The following CCDC60 variants were observed in gnomAD, a reference collection of about 807,000 sequenced individuals.
CCDC60 encodes coiled-coil domain-containing protein 60.
CCDC60 carries 54 observed loss-of-function variants against 63.5 expected under a neutral mutation model. The observed-to-expected ratio is 0.85, with a 90% CI of 0.68 to 1.07. The LOEUF is 1.07. CCDC60 is among the 50% of genes least tolerant of loss of function. The probability of loss-of-function intolerance (pLI) is 0.00; values close to 1 mark genes in which losing one functional copy is unlikely to be tolerated. For missense variants in CCDC60, 651 were observed against 684.3 expected (o/e 0.95, Z 0.54); for synonymous variants, 206 against 238.8 (o/e 0.86, Z 1.27).
At chr12:119,483,683 G>A (rs1951376245) in intron 4 of CCDC60, among the ~76,000 whole-genome samples, 1 of 152,204 alleles carries the variant, frequency 6.6e-6, no homozygotes, top group Non-Finnish European at 1.5e-5. Context: ...CTAGGATTCT[G>A]GTTGGTACAG....
In CCDC60 at chr12:119,407,757, CATAAAATG is replaced by C. The variant is rs1565992367; in HGVS notation, c.91-20925_91-20918del. ...CCTTGGTAGTGGCTTTTTTTTAACCCATAAAATGGGCACTCCAGAAGGTGTATTTCTTA... is the reference window on the plus strand; with the variant it reads ...CCTTGGTAGTGGCTTTTTTTTAACCCGGCACTCCAGAAGGTGTATTTCTTA... On this transcript the variant is annotated intron_variant, in intron 1 of 13. Transcript: ENST00000327554. Among the ~76,000 whole-genome samples, 4 of 151,992 alleles carry C rather than the reference CATAAAATG, an allele frequency of 2.6e-5. No individual in the cohort carries two copies. In the South Asian group the frequency reaches 8.3e-4, roughly 32 times the overall value.
intron 1 of CCDC60, among the ~76,000 whole-genome samples, chr12:119,411,901 C>G (rs371442753): frequency 1.1e-4 from 16 of 152,188 alleles, no homozygotes; most frequent in African/African-American, 3.9e-4. Flanking sequence ...CCAGCCCCCA[C>G]ACGGTTTGAT....
At chr12:119,424,958 A>T (rs1054677269) in intron 1 of CCDC60, among the ~76,000 whole-genome samples, 1 of 151,828 alleles carries the variant, frequency 6.6e-6, no homozygotes, top group African/African-American at 2.4e-5. Context: ...ATACAAATCC[A>T]CTCTTACACA....
Position 119,516,706 on chromosome 12 carries a change from A to G in CCDC60, c.967A>G (p.Ser323Gly). Residue 323 changes from serine to glycine, a missense_variant and splice_region_variant, in exon 8 of 14, where the codon AGC becomes GGC. Ser to Gly is a moderately conservative substitution (Grantham distance 56). Transcript: ENST00000327554. ...AAATGGGATGCAAAGAAAAGCACCC[A>G]GGTATGTGCTCTTGACTCCTGGGGC... ...IENGMQRKAP[S>G]ILSVLKQNKS... The G allele has an allele frequency of 6.2e-7, 1 of 1,608,822 alleles. No homozygotes were observed. Among genetic ancestry groups the G allele is most frequent in the Non-Finnish European group, 8.5e-7 (1 of 1,175,340 alleles).
chr12:119,452,559 G>C (rs948650739), intron 2 of CCDC60, among the ~76,000 whole-genome samples: 5 of 152,178 alleles, frequency 3.3e-5, no homozygotes, highest in African/African-American at 1.2e-4. Flanking sequence ...CAACACTACT[G>C]AGGGTTGCCT....
chr12:119,383,039 C>T (rs1460637914), intron 1 of CCDC60, among the ~76,000 whole-genome samples: 1 of 152,132 alleles, frequency 6.6e-6, no homozygotes, highest in Admixed American at 6.5e-5. Context: ...GTGGCCACTG[C>T]ACTGGAAATT....
In CCDC60 at chr12:119,523,892, G is replaced by C; in HGVS notation, c.1229+74G>C. On this transcript the variant is annotated intron_variant, in intron 11 of 13. Transcript: ENST00000327554. ...CTACTATATGCCTGCCAGGTGCCAG[G>C]TGCTGGGGCTATATCACAAACAAGA... 5 of 1,490,590 alleles carry C rather than the reference G, an allele frequency of 3.4e-6. No individual in the cohort carries two copies. In the South Asian group the frequency reaches 4.8e-5, roughly 14 times the overall value. 92.3% of individuals were successfully genotyped at this position (1,490,590 alleles called of 1,614,324 possible).
At chr12:119,397,187 GT>G (rs1956272422) in intron 1 of CCDC60, among the ~76,000 whole-genome samples, 1 of 152,182 alleles carries the variant, frequency 6.6e-6, no homozygotes, top group African/African-American at 2.4e-5. Context: ...TCATAAAGGT[GT>G]TGCAAACCCA....
intron 1 of CCDC60, among the ~76,000 whole-genome samples, chr12:119,389,859 G>A (rs888675576): frequency 1.3e-5 from 2 of 152,058 alleles, no homozygotes; most frequent in Admixed American, 6.6e-5. Flanking sequence ...ATTACCATTA[G>A]TGGCTGATGA....
intron 1 of CCDC60, among the ~76,000 whole-genome samples, chr12:119,365,172 C>T (rs924453537): frequency 6.6e-6 from 1 of 152,150 alleles, no homozygotes; most frequent in African/African-American, 2.4e-5. Flanking sequence ...GTGGTCATAG[C>T]AGGATTCGAA....
At chr12:119,372,130 C>T (rs762320445) in intron 1 of CCDC60, among the ~76,000 whole-genome samples, 4 of 152,090 alleles carry the variant, frequency 2.6e-5, no homozygotes, top group Non-Finnish European at 4.4e-5. Flanking sequence ...TATGGTGGAT[C>T]GTGCCTGAAT....
intron 13 of CCDC60, among the ~76,000 whole-genome samples, chr12:119,537,677 T>G (rs928267092): frequency 1.3e-5 from 2 of 152,226 alleles, no homozygotes; most frequent in Non-Finnish European, 2.9e-5. Context: ...GTCTCTCAGC[T>G]GCAGGTCTGT....
chr12:119,440,523 C>CCAT (rs1950422740), intron 2 of CCDC60, among the ~76,000 whole-genome samples: 1 of 151,998 alleles, frequency 6.6e-6, no homozygotes, highest in Non-Finnish European at 1.5e-5. Flanking sequence ...GAGTGAGACT[C>CCAT]CATCTCAAAA....
At position 119,420,412 on chromosome 12, in the gene CCDC60, T is replaced by G. The variant is rs1164989778; in HGVS notation, c.91-8271T>G. On this transcript the variant is annotated intron_variant, in intron 1 of 13. Coordinates refer to ENST00000327554, the MANE Select transcript of CCDC60 (RefSeq NM_178499.5). The surrounding 1 kb of genome is among the most constrained non-coding windows in gnomAD (Gnocchi z 4.1). ...ATCCAGTTATTTGCAACAACATGGA[T>G]GGAACTGGAGATCATTATGTTAAGT... 6.6e-6 allele frequency among the ~76,000 whole-genome samples: 1 copy of G among 152,186 alleles called. No homozygotes were observed. Among genetic ancestry groups the G allele is most frequent in the Non-Finnish European group, 1.5e-5 (1 of 68,032 alleles).
intron 2 of CCDC60, among the ~76,000 whole-genome samples, chr12:119,467,588 GATC>G (rs1309038216): frequency 6.6e-6 from 1 of 152,236 alleles, no homozygotes; most frequent in Non-Finnish European, 1.5e-5. Flanking sequence ...CTGGCACCCT[GATC>G]TTGGGCTTCC....
At chr12:119,444,919 C>G (rs1195074254) in intron 2 of CCDC60, among the ~76,000 whole-genome samples, 1 of 151,724 alleles carries the variant, frequency 6.6e-6, no homozygotes, top group Non-Finnish European at 1.5e-5. Flanking sequence ...ACAGGAAGAG[C>G]AAAATGGCTT....
chr12:119,512,552 G>T (rs530295401), intron 7 of CCDC60, among the ~76,000 whole-genome samples: 1 of 152,310 alleles, frequency 6.6e-6, no homozygotes, highest in African/African-American at 2.4e-5. Context: ...ACCCTACCAG[G>T]TGCAATGGAT....
At chr12:119,472,216 G>A (rs1364697287) in intron 3 of CCDC60, 52 bp downstream of exon 3, 3 of 1,553,396 alleles carry the variant, frequency 1.9e-6, no homozygotes, top group Admixed American at 1.7e-5. Context: ...TGACCATTGA[G>A]AGTGAACCCT....
intron 1 of CCDC60, among the ~76,000 whole-genome samples, chr12:119,343,827 A>C (rs1045328906): frequency 3.3e-5 from 5 of 152,002 alleles, no homozygotes; most frequent in African/African-American, 1.2e-4. Flanking sequence ...TTTCTAATAC[A>C]TCAGGGAGGA....
Sources: allele counts gnomAD v4.1 joint callset (sites outside exome capture counted in the v4.1 genomes callset), GRCh38; gene constraint gnomAD v4.1.1; non-coding constraint Gnocchi (gnomAD v3.1); transcripts MANE v1.5; gene names NCBI Gene and HGNC (gene_info 2026-07-23, HGNC 2026-07-21).